The following CHST8 variants were observed in gnomAD, a reference collection of about 807,000 sequenced individuals.
CHST8 encodes GALNAC-4-ST1.
Under a neutral mutation model 15.0 loss-of-function variants are expected in CHST8, and 10 were observed. That is an observed-to-expected ratio of 0.67 (90% CI 0.41 to 1.13). CHST8 has a LOEUF of 1.13. Among genes scored for constraint, CHST8 ranks in the 50% most tolerant of loss-of-function variants. CHST8 has a pLI of 0.00. For missense variants in CHST8, 634 were observed against 608.2 expected, an observed-to-expected ratio of 1.04 and a Z score of -0.45; for synonymous variants, 259 against 256.6, an observed-to-expected ratio of 1.01 and a Z score of -0.09.
intron 1 of CHST8, among the ~76,000 whole-genome samples, chr19:33,633,460 C>T (rs1972150258): frequency 6.6e-6 from 1 of 152,108 alleles, no homozygotes; most frequent in South Asian, 2.1e-4. Flanking sequence ...GGCGCAATCA[C>T]AGCTCACTGC....
chr19:33,768,978 G>A (rs554627887), intron 3 of CHST8, among the ~76,000 whole-genome samples: 3 of 152,318 alleles, frequency 2.0e-5, no homozygotes, highest in South Asian at 2.1e-4. Context: ...CAGGAGACTC[G>A]CCCAGCCCCA....
chr19:33,661,225 A>T (rs536378217), intron 1 of CHST8, among the ~76,000 whole-genome samples: 16 of 152,310 alleles, frequency 1.1e-4, no homozygotes, highest in Admixed American at 9.1e-4. Flanking sequence ...TGGACAAGGG[A>T]TCCCCTTTCC....
intron 3 of CHST8, among the ~76,000 whole-genome samples, chr19:33,722,393 G>A (rs1461017749): frequency 1.3e-5 from 2 of 152,192 alleles, no homozygotes; most frequent in African/African-American, 4.8e-5. Context: ...GTAGGTACAT[G>A]TAGTAAAAGA....
rs1271327647 is a variant in CHST8 at position 33,757,451 on chromosome 19, A to AG, written c.131-13962_131-13961insG. Among the ~76,000 whole-genome samples, 3 of 34,494 alleles carry AG rather than the reference A, an allele frequency of 8.7e-5. 1 individual carries two copies. Among genetic ancestry groups the AG allele is most frequent in the Admixed American group, 3.0e-4 (1 of 3,360 alleles). The allele number at this position is 34,494 out of a possible 152,430, so 22.6% of individuals were successfully genotyped here. A position where few individuals can be genotyped will look rare whatever the true frequency, so the allele number is the denominator to read the frequency against. ...GAAAGAAAGAAAGAAAGAAAGAAAG[A>AG]AAGAAAGAAAGAAAGAAAGAAAGAA... On this transcript the variant is annotated intron_variant, in intron 3 of 4. Coordinates refer to ENST00000650847, the MANE Select transcript of CHST8 (RefSeq NM_001127895.2).
chr19:33,676,000 A>G (rs548635971), intron 2 of CHST8, among the ~76,000 whole-genome samples: 4 of 152,164 alleles, frequency 2.6e-5, no homozygotes, highest in African/African-American at 7.2e-5. Context: ...CCTCATGTCC[A>G]TTCTGGATTT....
chr19:33,738,867 G>C (rs1253880299), intron 3 of CHST8, among the ~76,000 whole-genome samples: 1 of 152,188 alleles, frequency 6.6e-6, no homozygotes, highest in Non-Finnish European at 1.5e-5. Context: ...TGGGATTACA[G>C]GCATGAGCCA....
intron 3 of CHST8, among the ~76,000 whole-genome samples, chr19:33,761,532 T>C (rs1341475173): frequency 6.6e-6 from 1 of 152,088 alleles, no homozygotes; most frequent in Non-Finnish European, 1.5e-5. Context: ...GATTTCGTCA[T>C]GTTGGCCAGG....
intron 1 of CHST8, among the ~76,000 whole-genome samples, chr19:33,635,281 G>A (rs77338753): frequency 0.03 from 4,548 of 152,274 alleles, 92 homozygotes; most frequent in East Asian, 0.05. Context: ...TTCTTTGGGT[G>A]TGGCTTGCCC....
Position 33,772,091 on chromosome 19 carries a change from G to A in CHST8, c.303G>A (p.Arg101=), listed in dbSNP as rs1302996601. The change falls in exon 5 of 5, where the codon AGG becomes AGA. Residue 101 remains arginine, a synonymous_variant. Coordinates refer to ENST00000650847, the MANE Select transcript of CHST8 (RefSeq NM_001127895.2). ...APDQPQPPLQ[R]GTRLRLRQRR... ...ACCAGCCTCAACCCCCGCTGCAGAG[G>A]GGAACCCGTCTGCGGCTCCGCCAGC... 3.7e-6 allele frequency: 6 copies of A among 1,612,086 alleles called. No homozygotes were observed. The African/African-American group carries it at 8.0e-5, about 22-fold the overall frequency.
chr19:33,755,748 G>A (rs1017005887), intron 3 of CHST8, among the ~76,000 whole-genome samples: 23 of 152,336 alleles, frequency 1.5e-4, no homozygotes, highest in African/African-American at 4.8e-4. Flanking sequence ...TCTTCGTCCC[G>A]AGAGCAGCTG....
chr19:33,768,742 C>CGT (rs1012680511), intron 3 of CHST8, among the ~76,000 whole-genome samples: 1 of 152,152 alleles, frequency 6.6e-6, no homozygotes, highest in Non-Finnish European at 1.5e-5. Context: ...CATGAGCCAC[C>CGT]GTGCCCGGCA....
At chr19:33,738,154 T>C (rs1240186131) in intron 3 of CHST8, among the ~76,000 whole-genome samples, 1 of 152,206 alleles carries the variant, frequency 6.6e-6, no homozygotes, top group African/African-American at 2.4e-5. Context: ...AGGGGTGGAT[T>C]TGGGGGTTCT....
At chr19:33,667,927 G>GA (rs1245525323) in intron 2 of CHST8, 84 bp downstream of exon 2, 1 of 152,154 alleles carries the variant, frequency 6.6e-6, no homozygotes, top group Non-Finnish European at 1.5e-5. Flanking sequence ...ATTCTCGGAA[G>GA]AATCGATACC....
chr19:33,737,333 C>T (rs1453588176), intron 3 of CHST8, among the ~76,000 whole-genome samples: 1 of 152,220 alleles, frequency 6.6e-6, no homozygotes, highest in Non-Finnish European at 1.5e-5. Context: ...ACTTGGCCTT[C>T]TGGGCTGAGC....
intron 3 of CHST8, among the ~76,000 whole-genome samples, chr19:33,705,093 G>C (rs920576422): frequency 6.6e-6 from 1 of 152,104 alleles, no homozygotes; most frequent in Non-Finnish European, 1.5e-5. Context: ...CCCCCGTAGG[G>C]CTGAGACCTG....
At chr19:33,757,528 GAAAGAAA>G (rs1974613709) in intron 3 of CHST8, among the ~76,000 whole-genome samples, 1 of 30,842 alleles carries the variant, frequency 3.2e-5, no homozygotes, top group African/African-American at 1.3e-4. Context: ...GAAAGAGAAA[GAAAGAAA>G]GAAAGAAAGA....
intron 3 of CHST8, among the ~76,000 whole-genome samples, chr19:33,765,443 C>T (rs562257601): frequency 1.3e-5 from 2 of 151,776 alleles, no homozygotes; most frequent in East Asian, 1.9e-4. Flanking sequence ...AAGCACCTCC[C>T]GTGATGGTTA....
intron 3 of CHST8, among the ~76,000 whole-genome samples, chr19:33,709,653 T>C (rs1161352042): frequency 6.6e-6 from 1 of 152,152 alleles, no homozygotes; most frequent in Non-Finnish European, 1.5e-5. Flanking sequence ...TAGTTGTAGT[T>C]TTCTTGTGAT....
intron 1 of CHST8, among the ~76,000 whole-genome samples, chr19:33,662,780 T>G (rs1972603840): frequency 1.3e-5 from 2 of 152,174 alleles, no homozygotes; most frequent in African/African-American, 4.8e-5. Flanking sequence ...AACGCCAACC[T>G]TTGCTGCACT....
Sources: allele counts gnomAD v4.1 joint callset (sites outside exome capture counted in the v4.1 genomes callset), GRCh38; gene constraint gnomAD v4.1.1; transcripts MANE v1.5; gene names NCBI Gene and HGNC (gene_info 2026-07-23, HGNC 2026-07-21).